DORIP1: variants seen among roughly 807,000 people sequenced by gnomAD.
DORIP1 encodes the protein dopamine receptor-interacting protein 1.
At chr14:44,900,862 C>T in the DORIP1 span, 1 of 1,613,982 alleles carries the variant, frequency 6.2e-7, no homozygotes, top group South Asian at 1.1e-5. Context: ...TACAAAAAAT[C>T]TTGAAAATCT....
At chr14:44,906,428 T>C in the DORIP1 span, 1 of 152,166 alleles carries the variant, frequency 6.6e-6, no homozygotes, top group South Asian at 2.1e-4. Flanking sequence ...CTGGAAATAC[T>C]TCTTTTCCTA....
At chr14:44,897,518 C>CGGCGGCGGCGACGGG in the DORIP1 span, 2 of 201,582 alleles carry the variant, frequency 9.9e-6, no homozygotes, top group Non-Finnish European at 2.0e-5. Flanking sequence ...CATGAGCAGG[C>CGGCGGCGGCGACGGG]GGCGGCGGCG....
At chr14:44,901,169 G>A in the DORIP1 span, among the ~76,000 whole-genome samples, 1 of 152,140 alleles carries the variant, frequency 6.6e-6, no homozygotes, top group Non-Finnish European at 1.5e-5. Flanking sequence ...ACAGAATTAA[G>A]TATAGTAACA....
the DORIP1 span, chr14:44,901,023 G>A: frequency 1.4e-6 from 2 of 1,480,508 alleles, no homozygotes; most frequent in East Asian, 2.3e-5. Context: ...CTTTAGATAT[G>A]TAGTCGTGTA....
the DORIP1 span, chr14:44,900,908 G>A: frequency 1.2e-6 from 2 of 1,610,288 alleles, no homozygotes; most frequent in South Asian, 2.2e-5. Context: ...TGTTCCAACT[G>A]GCGATGCCCA....
the DORIP1 span, chr14:44,900,584 A>C: frequency 6.2e-7 from 1 of 1,610,662 alleles, no homozygotes; most frequent in South Asian, 1.1e-5. Flanking sequence ...CTCTATGTTG[A>C]AATAAGACTG....
chr14:44,905,498 C>T, the DORIP1 span: 3 of 1,554,044 alleles, frequency 1.9e-6, no homozygotes, highest in East Asian at 2.3e-5. Context: ...AATAAACCCC[C>T]AGAGTTTCTC....
At chr14:44,897,786 G>C in the DORIP1 span, among the ~76,000 whole-genome samples, 3 of 152,182 alleles carry the variant, frequency 2.0e-5, no homozygotes, top group Non-Finnish European at 4.4e-5. Context: ...GGCCAGGGTG[G>C]GCGTGGCCGG....
chr14:44,901,487 T>TTG, the DORIP1 span, among the ~76,000 whole-genome samples: 3 of 152,210 alleles, frequency 2.0e-5, no homozygotes, highest in African/African-American at 7.2e-5. Context: ...TTATAATTAC[T>TTG]TTACAAAACC....
chr14:44,901,190 A>G, the DORIP1 span, among the ~76,000 whole-genome samples: 3 of 152,168 alleles, frequency 2.0e-5, no homozygotes, highest in Non-Finnish European at 4.4e-5. Context: ...TGTTGTATGG[A>G]TTTGTAGCCT....
At chr14:44,905,643 T>C in the DORIP1 span, 2 of 877,588 alleles carry the variant, frequency 2.3e-6, no homozygotes, top group Non-Finnish European at 1.6e-6. Flanking sequence ...TCCAAGAAAA[T>C]AGTTCAACTA....
At chr14:44,897,965 C>G in the DORIP1 span, among the ~76,000 whole-genome samples, 1 of 152,194 alleles carries the variant, frequency 6.6e-6, no homozygotes, top group African/African-American at 2.4e-5. Flanking sequence ...CGTTCAATGC[C>G]TTGGGCATGT....
the DORIP1 span, chr14:44,904,074 T>C: frequency 5.1e-6 from 5 of 985,242 alleles, no homozygotes; most frequent in Non-Finnish European, 6.0e-6. Context: ...CTGCCATTAT[T>C]TGAAACCAGC....
chr14:44,900,099 G>A, the DORIP1 span, among the ~76,000 whole-genome samples: 98 of 152,120 alleles, frequency 6.4e-4, 2 homozygotes, highest in East Asian at 0.016. Context: ...CAAAGTACTG[G>A]GATTACAGGT....
chr14:44,902,660 T>A, the DORIP1 span, among the ~76,000 whole-genome samples: 1 of 152,110 alleles, frequency 6.6e-6, no homozygotes, highest in Non-Finnish European at 1.5e-5. Context: ...TCTGTAAATA[T>A]TTTGAAACTA....
At chr14:44,906,361 G>A in the DORIP1 span, 1 of 152,050 alleles carries the variant, frequency 6.6e-6, no homozygotes, top group African/African-American at 2.4e-5. Context: ...ATGTTTACTA[G>A]TGTCGGACTA....
chr14:44,900,514 C>G, the DORIP1 span: 1 of 1,592,728 alleles, frequency 6.3e-7, no homozygotes, highest in South Asian at 1.2e-5. Flanking sequence ...TAGGCCTGTT[C>G]TTCCTTGGGG....
At chr14:44,903,447 T>C in the DORIP1 span, 1 of 1,379,976 alleles carries the variant, frequency 7.2e-7, no homozygotes, top group East Asian at 2.5e-5. Flanking sequence ...TATCACTACA[T>C]AGAATATGGT....
the DORIP1 span, among the ~76,000 whole-genome samples, chr14:44,902,947 CAAATG>C: frequency 6.6e-6 from 1 of 152,064 alleles, no homozygotes; most frequent in Non-Finnish European, 1.5e-5. Context: ...AATCTTCTCA[CAAATG>C]TTTTAAATTA....
Sources: gnomAD v4.1 joint callset for allele counts (sites outside exome capture counted in the v4.1 genomes callset) on GRCh38, gnomAD v4.1.1 for gene constraint, MANE v1.5 for transcripts, NCBI Gene and HGNC (gene_info 2026-07-23, HGNC 2026-07-21) for gene names.